ATE1: variants seen among roughly 807,000 people sequenced by gnomAD.
ATE1 encodes the protein arginyl-tRNA--protein transferase 1.
A neutral mutation model predicts 70.5 loss-of-function variants in ATE1; 36 were observed. That is an observed-to-expected ratio of 0.51 (90% CI 0.39 to 0.67). The LOEUF is 0.67. Ranked by LOEUF, ATE1 falls within the 30% of genes least tolerant of loss-of-function variation. The probability of loss-of-function intolerance (pLI) is 0.00; values close to 1 mark genes in which losing one functional copy is unlikely to be tolerated. For synonymous variants in ATE1, 232 were observed against 219.3 expected (o/e 1.06, Z -0.51); for missense variants, 593 against 629.5 (o/e 0.94, Z 0.62).
At chr10:121,817,546 A>C (rs1326763451) in intron 10 of ATE1, among the ~76,000 whole-genome samples, 2 of 151,866 alleles carry the variant, frequency 1.3e-5, no homozygotes, top group African/African-American at 4.8e-5. Flanking sequence ...CTCAAAAAAA[A>C]AAAAGAAGAG....
intron 11 of ATE1, among the ~76,000 whole-genome samples, chr10:121,751,519 A>G (rs1160341445): frequency 6.6e-6 from 1 of 152,216 alleles, no homozygotes; most frequent in Non-Finnish European, 1.5e-5. Context: ...GTCGGTGCAT[A>G]GCAGTATCTT....
intron 11 of ATE1, among the ~76,000 whole-genome samples, chr10:121,746,656 A>G (rs1357125608): frequency 2.0e-5 from 3 of 152,146 alleles, no homozygotes; most frequent in Admixed American, 6.5e-5. Context: ...CAGTACATTC[A>G]CTACAAATTT....
intron 11 of ATE1, among the ~76,000 whole-genome samples, chr10:121,748,468 ACT>A (rs931928496): frequency 6.6e-6 from 1 of 152,158 alleles, no homozygotes; most frequent in African/African-American, 2.4e-5. Context: ...AAAATTACAC[ACT>A]GTCATATTTT....
intron 8 of ATE1, among the ~76,000 whole-genome samples, chr10:121,859,254 T>C (rs1564902755): frequency 6.7e-6 from 1 of 150,208 alleles, no homozygotes; most frequent in Non-Finnish European, 1.5e-5. Context: ...TATTTTATTT[T>C]ATTTTATTTT....
intron 10 of ATE1, among the ~76,000 whole-genome samples, chr10:121,817,364 T>C (rs780698967): frequency 1.3e-5 from 2 of 152,112 alleles, no homozygotes; most frequent in Non-Finnish European, 1.5e-5. Context: ...CCGTCTCTAC[T>C]AAAAATACAC....
chr10:121,877,672 TAGTCATC>T, intron 7 of ATE1, among the ~76,000 whole-genome samples: 1 of 152,118 alleles, frequency 6.6e-6, no homozygotes, highest in Non-Finnish European at 1.5e-5. Context: ...GCTCCCTATT[TAGTCATC>T]AGCAAATAGC....
chr10:121,925,016 T>C (rs1411720068), intron 1 of ATE1, among the ~76,000 whole-genome samples: 1 of 152,210 alleles, frequency 6.6e-6, no homozygotes, highest in African/African-American at 2.4e-5. Context: ...GCAAAATGTT[T>C]TGTGCTTATT....
intron 8 of ATE1, chr10:121,846,456 A>G (rs1948826300): frequency 6.6e-6 from 1 of 152,170 alleles, no homozygotes; most frequent in African/African-American, 2.4e-5. Context: ...ACTCCCTTCC[A>G]AAGAGTATTG....
intron 8 of ATE1, among the ~76,000 whole-genome samples, chr10:121,847,922 T>A (rs974280246): frequency 2.2e-4 from 33 of 150,524 alleles, no homozygotes; most frequent in Non-Finnish European, 4.6e-4. Context: ...CTACAAAAAA[T>A]TAGCCAGGTG....
intron 11 of ATE1, among the ~76,000 whole-genome samples, chr10:121,780,205 C>A (rs764787094): frequency 9.2e-5 from 14 of 152,204 alleles, no homozygotes; most frequent in Non-Finnish European, 1.8e-4. Flanking sequence ...ATGTCCAGAA[C>A]TGAACTCATC....
At chr10:121,785,430 A>G (rs139731486) in intron 11 of ATE1, among the ~76,000 whole-genome samples, 132 of 152,260 alleles carry the variant, frequency 8.7e-4, no homozygotes, top group African/African-American at 2.7e-3. Flanking sequence ...AGGCTTGGAG[A>G]AACAGGTGAA....
chr10:121,857,136 T>C (rs2133920462), intron 8 of ATE1, among the ~76,000 whole-genome samples: 1 of 152,354 alleles, frequency 6.6e-6, no homozygotes, highest in Non-Finnish European at 1.5e-5. Context: ...TATTTTAGAT[T>C]CAGAGAGTAA....
intron 8 of ATE1, among the ~76,000 whole-genome samples, chr10:121,851,119 A>AG (rs1949039575): frequency 1.4e-5 from 2 of 144,820 alleles, no homozygotes; most frequent in East Asian, 4.1e-4. Context: ...AAAAAAAAAA[A>AG]AAAAGAATTT....
Position 121,849,194 on chromosome 10 carries a change from G to C in ATE1, c.976-7931C>G, listed in dbSNP as rs1369869640. Among the ~76,000 whole-genome samples the C allele has an allele frequency of 9.8e-5, 13 of 133,322 alleles. No individual in the cohort carries two copies. In the Admixed American group the frequency reaches 1.1e-3, roughly 11 times the overall value. 87.5% of individuals were successfully genotyped at this position (133,322 alleles called of 152,430 possible). On this transcript the variant is annotated intron_variant, in intron 8 of 11. Transcript: ENST00000224652. Reference sequence around the variant, plus strand: ...CCATTGCACTCCAGCCTGGGTGACAGGATCAAAACTCCATCTCAAAAAAAA... The same window carrying C: ...CCATTGCACTCCAGCCTGGGTGACACGATCAAAACTCCATCTCAAAAAAAA...
At chr10:121,795,164 C>T (rs1370913063) in intron 10 of ATE1, among the ~76,000 whole-genome samples, 1 of 152,202 alleles carries the variant, frequency 6.6e-6, no homozygotes, top group Non-Finnish European at 1.5e-5. Flanking sequence ...ACAACAATCG[C>T]TTGAGCCCCG....
At chr10:121,760,453 T>A (rs1205617369) in intron 11 of ATE1, among the ~76,000 whole-genome samples, 1 of 152,184 alleles carries the variant, frequency 6.6e-6, no homozygotes, top group East Asian at 1.9e-4. Flanking sequence ...CCAAACCTCA[T>A]GGATGATTTG....
intron 7 of ATE1, among the ~76,000 whole-genome samples, chr10:121,881,113 T>C (rs72838067): frequency 0.01 from 1,563 of 152,330 alleles, 11 homozygotes; most frequent in Middle Eastern, 0.02. Flanking sequence ...CCTTTTTGCT[T>C]CATGTCACAA....
chr10:121,853,558 G>GAA (rs1302678525), intron 8 of ATE1, among the ~76,000 whole-genome samples: 1 of 151,640 alleles, frequency 6.6e-6, no homozygotes, highest in Admixed American at 6.6e-5. Context: ...TTCAAAATCT[G>GAA]AAAAAAATCC....
intron 8 of ATE1, among the ~76,000 whole-genome samples, chr10:121,845,683 A>C (rs2133823305): frequency 6.6e-6 from 1 of 152,300 alleles, no homozygotes; most frequent in South Asian, 2.1e-4. Context: ...ACTGGAGGTG[A>C]CCAATTCAGT....
Sources: gnomAD v4.1 joint callset for allele counts (sites outside exome capture counted in the v4.1 genomes callset) on GRCh38, gnomAD v4.1.1 for gene constraint, MANE v1.5 for transcripts, NCBI Gene and HGNC (gene_info 2026-07-23, HGNC 2026-07-21) for gene names.